ATP8A2: variants seen among roughly 807,000 people sequenced by gnomAD.
The protein encoded by ATP8A2 is phospholipid-transporting ATPase IB.
Under a neutral mutation model 165.6 loss-of-function variants are expected in ATP8A2, and 100 were observed. The observed-to-expected ratio is 0.60, with a 90% CI of 0.51 to 0.71. ATP8A2 has a LOEUF of 0.71. ATP8A2 is among the 30% of genes least tolerant of loss of function. The probability of loss-of-function intolerance (pLI) is 0.00; values close to 1 mark genes in which losing one functional copy is unlikely to be tolerated. For synonymous variants in ATP8A2, 543 were observed against 548.8 expected, an observed-to-expected ratio of 0.99 and a Z score of 0.15; for missense variants, 1,227 against 1,479.5, an observed-to-expected ratio of 0.83 and a Z score of 2.80.
In ATP8A2 at chr13:25,543,366, A is replaced by G. The variant is rs746718942; in HGVS notation, c.855A>G (p.Ile285Met). 4 of 1,612,750 alleles carry G rather than the reference A, an allele frequency of 2.5e-6. No homozygotes were observed. The highest frequency in any genetic ancestry group is 2.7e-5 in the African/African-American group (2 of 74,908). ...QLRNTQWVFG[I>M]VVYTGHDTKL... is the part of the protein sequence containing the mutation. ...GAAATACTCAGTGGGTCTTTGGCAT[A>G]GTTGTTTATACTGGACACGACACCA... The change falls in exon 10 of 37, where the codon ATA becomes ATG. Residue 285 changes from isoleucine to methionine, a missense_variant. Physicochemically the swap from Ile to Met is conservative, Grantham distance 10. Around this residue, in one of 5 missense-constraint regions of ATP8A2, gnomAD observed 356 missense variants for 394.9 expected, o/e 0.90. Coordinates refer to ENST00000381655, the MANE Select transcript of ATP8A2 (RefSeq NM_016529.6).
chr13:25,686,618 G>A (rs937441555), intron 24 of ATP8A2, among the ~76,000 whole-genome samples: 1 of 152,164 alleles, frequency 6.6e-6, no homozygotes, highest in Non-Finnish European at 1.5e-5. Flanking sequence ...GGAATCTCTT[G>A]GCTTTTAAAT....
intron 24 of ATP8A2, among the ~76,000 whole-genome samples, chr13:25,590,694 T>C (rs1203683044): frequency 6.6e-6 from 1 of 152,158 alleles, no homozygotes; most frequent in Non-Finnish European, 1.5e-5. Flanking sequence ...GTATATTTAA[T>C]ATTTATATTT....
At chr13:25,439,052 GC>G (rs1413957882) in intron 1 of ATP8A2, among the ~76,000 whole-genome samples, 16 of 152,296 alleles carry the variant, frequency 1.1e-4, no homozygotes, top group Admixed American at 7.8e-4. Context: ...GAGACATCGA[GC>G]TATTTCTGAT....
In ATP8A2 at chr13:25,618,683, C is replaced by CT. The variant is rs60683948; in HGVS notation, c.2211+29001dup. Reference sequence around the variant, plus strand: ...CTCCATTAAAGTTCTGATAGTTAGACTTTTTTTTTTTTTTTTTCCCAGCAA... The same window carrying CT: ...CTCCATTAAAGTTCTGATAGTTAGACTTTTTTTTTTTTTTTTTTCCCAGCAA... On this transcript the variant is annotated intron_variant, in intron 24 of 36. Transcript: ENST00000381655. Among the ~76,000 whole-genome samples the CT allele has an allele frequency of 3.1e-3, 404 of 131,536 alleles. 2 individuals are homozygous for CT. Among genetic ancestry groups the CT allele is most frequent in the East Asian group, 9.1e-3 (41 of 4,512 alleles). The allele number at this position is 131,536 out of a possible 152,430, so 86.3% of individuals were successfully genotyped here. A position where few individuals can be genotyped will look rare whatever the true frequency, so the allele number is the denominator to read the frequency against.
chr13:25,877,790 A>T (rs1438687798), intron 33 of ATP8A2, among the ~76,000 whole-genome samples: 2 of 152,204 alleles, frequency 1.3e-5, no homozygotes, highest in Non-Finnish European at 2.9e-5. Context: ...TTCTAAAGCC[A>T]TTGTATAAGC....
At chr13:25,941,031 A>G (rs1456656775) in intron 33 of ATP8A2, among the ~76,000 whole-genome samples, 2 of 152,138 alleles carry the variant, frequency 1.3e-5, no homozygotes, top group Non-Finnish European at 2.9e-5. Context: ...ACATGGATCC[A>G]TCTTTGTGGA....
At chr13:25,826,183 AAT>A (rs1157008992) in intron 27 of ATP8A2, among the ~76,000 whole-genome samples, 1 of 152,232 alleles carries the variant, frequency 6.6e-6, no homozygotes, top group African/African-American at 2.4e-5. Context: ...TGGAAACTTT[AAT>A]ATCACTTTGT....
chr13:25,779,581 T>C (rs927912571), intron 27 of ATP8A2, among the ~76,000 whole-genome samples: 3 of 152,186 alleles, frequency 2.0e-5, no homozygotes, highest in Admixed American at 2.0e-4. Context: ...CCTTTTTTTT[T>C]CTTCTCTTTT....
chr13:25,517,737 C>G (rs1243744561), intron 2 of ATP8A2, among the ~76,000 whole-genome samples: 1 of 152,118 alleles, frequency 6.6e-6, no homozygotes, highest in African/African-American at 2.4e-5. Context: ...ACCCCTTTTT[C>G]CTGCTGTAGA....
chr13:25,574,685 A>G (rs2039565566), intron 18 of ATP8A2, 123 bp from the exon 19 acceptor site: 1 of 709,060 alleles, frequency 1.4e-6, no homozygotes, highest in Non-Finnish European at 2.6e-6. Context: ...TACATGTTGC[A>G]AAGGGCTAGA....
chr13:25,471,691 T>C (rs927629725), intron 2 of ATP8A2, among the ~76,000 whole-genome samples: 1 of 152,210 alleles, frequency 6.6e-6, no homozygotes, highest in Non-Finnish European at 1.5e-5. Flanking sequence ...TCACTACCTG[T>C]TCTGTAATCA....
intron 1 of ATP8A2, among the ~76,000 whole-genome samples, chr13:25,392,077 C>T (rs780263852): frequency 5.9e-5 from 9 of 152,158 alleles, no homozygotes; most frequent in Non-Finnish European, 1.3e-4. Flanking sequence ...GCTCAGCCCA[C>T]CCTGGTCAAC....
chr13:25,399,677 C>G (rs2033562512), intron 1 of ATP8A2, among the ~76,000 whole-genome samples: 1 of 151,288 alleles, frequency 6.6e-6, no homozygotes, highest in Non-Finnish European at 1.5e-5. Flanking sequence ...GCTGGGATTA[C>G]AGGCGTGAGC....
intron 1 of ATP8A2, among the ~76,000 whole-genome samples, chr13:25,394,636 A>G (rs2033358128): frequency 6.6e-6 from 1 of 152,140 alleles, no homozygotes; most frequent in Admixed American, 6.5e-5. Context: ...ATAATATGTC[A>G]CCCTGAAATA....
At chr13:25,577,926 A>C (rs1319916108) in intron 20 of ATP8A2, among the ~76,000 whole-genome samples, 1 of 152,208 alleles carries the variant, frequency 6.6e-6, no homozygotes, top group African/African-American at 2.4e-5. Context: ...TTACAAATGA[A>C]GGAATGCATG....
intron 30 of ATP8A2, among the ~76,000 whole-genome samples, chr13:25,852,620 T>C (rs529170902): frequency 3.3e-5 from 5 of 152,346 alleles, no homozygotes; most frequent in Admixed American, 1.3e-4. Flanking sequence ...AATTATCTCC[T>C]GTCATTCTTA....
chr13:25,789,966 G>A (rs2045125869), intron 27 of ATP8A2, among the ~76,000 whole-genome samples: 1 of 152,118 alleles, frequency 6.6e-6, no homozygotes, highest in African/African-American at 2.4e-5. Context: ...GCTGGCAAAA[G>A]AAATGGAGAA....
chr13:25,999,148 C>G (rs994083823), intron 35 of ATP8A2, among the ~76,000 whole-genome samples: 8 of 152,226 alleles, frequency 5.3e-5, no homozygotes, highest in South Asian at 4.1e-4. Flanking sequence ...CATATTGAAC[C>G]GTGTCCTCTG....
At chr13:25,935,669 G>A (rs574354128) in intron 33 of ATP8A2, among the ~76,000 whole-genome samples, 6 of 152,148 alleles carry the variant, frequency 3.9e-5, no homozygotes, top group African/African-American at 1.2e-4. Flanking sequence ...ACTCCTTTAA[G>A]CAACGAGATC....
Sources: allele counts gnomAD v4.1 joint callset (sites outside exome capture counted in the v4.1 genomes callset), GRCh38; gene constraint gnomAD v4.1.1; regional missense constraint gnomAD v4.1.1; transcripts MANE v1.5; gene names NCBI Gene and HGNC (gene_info 2026-07-23, HGNC 2026-07-21).